The following FRS2 variants were observed in gnomAD, a reference collection of about 807,000 sequenced individuals.
The protein encoded by FRS2 is FGFR signalling adaptor.
In FRS2, 8 loss-of-function variants were observed where a neutral mutation model predicts 43.9. The observed-to-expected ratio is 0.18, with a 90% confidence interval of 0.11 to 0.33. The LOEUF (loss-of-function observed/expected upper bound fraction) is 0.33, where lower values mean the gene tolerates loss of function less well. FRS2 is among the 10% of genes least tolerant of loss of function. The pLI is 1.00. For missense variants in FRS2, 534 were observed against 627.6 expected (o/e 0.85, Z 1.59); for synonymous variants, 219 against 220.3 (o/e 0.99, Z 0.05).
chr12:69,563,397 T>C (rs939716718), intron 4 of FRS2, among the ~76,000 whole-genome samples: 7 of 152,232 alleles, frequency 4.6e-5, no homozygotes, highest in Non-Finnish European at 8.8e-5. Context: ...TCTTTAGCCT[T>C]ACTGAGGCCA....
At chr12:69,508,091 T>C (rs1043862542) in intron 1 of FRS2, among the ~76,000 whole-genome samples, 2 of 126,052 alleles carry the variant, frequency 1.6e-5, no homozygotes, top group Non-Finnish European at 3.3e-5. Flanking sequence ...GATAAGATAA[T>C]AAGATTGTTT....
intron 1 of FRS2, among the ~76,000 whole-genome samples, chr12:69,489,668 C>CA (rs11334694): frequency 0.022 from 2,053 of 91,480 alleles, 28 homozygotes; most frequent in African/African-American, 0.058. Context: ...GACTCCATCT[C>CA]AAAAAAAAAA....
At chr12:69,477,924 G>T (rs970435385) in intron 1 of FRS2, among the ~76,000 whole-genome samples, 1 of 150,832 alleles carries the variant, frequency 6.6e-6, no homozygotes, top group East Asian at 2.0e-4. Flanking sequence ...GTATTTTTTA[G>T]TAGAGACGGG....
At chr12:69,470,605 C>A in intron 1 of FRS2, 75 bp downstream of exon 1, 2 of 393,776 alleles carry the variant, frequency 5.1e-6, no homozygotes, top group South Asian at 1.3e-4. Flanking sequence ...CCCCGCTGCC[C>A]GCTTCGGGAT....
chr12:69,544,432 G>T (rs979044560), intron 3 of FRS2, among the ~76,000 whole-genome samples: 1 of 152,186 alleles, frequency 6.6e-6, no homozygotes, highest in African/African-American at 2.4e-5. Context: ...GGAGCCAGGT[G>T]CAGTGGTTCA....
chr12:69,471,274 A>T (rs373030798), intron 1 of FRS2, among the ~76,000 whole-genome samples: 2 of 152,188 alleles, frequency 1.3e-5, no homozygotes, highest in East Asian at 3.9e-4. Flanking sequence ...CTAAAAAAAA[A>T]AAGATGCTTT....
At chr12:69,492,183 A>C (rs977692653) in intron 1 of FRS2, among the ~76,000 whole-genome samples, 9 of 152,236 alleles carry the variant, frequency 5.9e-5, no homozygotes, top group Admixed American at 5.9e-4. Flanking sequence ...GATAGCCTGT[A>C]TCTTGTGAAT....
intron 3 of FRS2, among the ~76,000 whole-genome samples, chr12:69,558,376 A>G (rs950842247): frequency 2.0e-5 from 3 of 152,214 alleles, no homozygotes; most frequent in African/African-American, 7.2e-5. Context: ...TTAGTGGTTT[A>G]TGTAAGATTT....
chr12:69,552,206 G>T (rs2135739718), intron 3 of FRS2, among the ~76,000 whole-genome samples: 1 of 147,540 alleles, frequency 6.8e-6, no homozygotes, highest in East Asian at 2.0e-4. Context: ...GGAGGCTGAG[G>T]CAGGAGAATT....
At chr12:69,552,565 C>G (rs1458599880) in intron 3 of FRS2, among the ~76,000 whole-genome samples, 2 of 152,070 alleles carry the variant, frequency 1.3e-5, no homozygotes, top group African/African-American at 2.4e-5. Context: ...CCCTTTGCCT[C>G]TGAGTGTAGT....
rs921717705 is a variant in FRS2 at position 69,491,701 on chromosome 12, G to A, written c.-261+21171G>A. 4.6e-5 allele frequency: 7 copies of A among 151,764 alleles called. No homozygotes were observed. In the South Asian group the frequency reaches 6.3e-4, roughly 14 times the overall value. The allele number at this position is 151,764 out of a possible 1,614,324, so 9.4% of individuals were successfully genotyped here. On this transcript the variant is annotated intron_variant, in intron 1 of 8. Transcript: ENST00000549921. ...GTTTTTAAAATTTTGTTGTAGAGAC[G>A]GGGACTCACTATGTTGTCCATGCTG... is the stretch of plus-strand genomic sequence containing the variant.
At chr12:69,520,587 T>A (rs1875539669) in intron 1 of FRS2, among the ~76,000 whole-genome samples, 4 of 152,146 alleles carry the variant, frequency 2.6e-5, no homozygotes, top group African/African-American at 9.7e-5. Flanking sequence ...TTGAGTTGAT[T>A]TTTGTAGATG....
At chr12:69,511,241 C>A (rs114995396) in intron 1 of FRS2, among the ~76,000 whole-genome samples, 1,877 of 152,246 alleles carry the variant, frequency 0.012, 45 homozygotes, top group African/African-American at 0.042. Context: ...GAAGGGAAAC[C>A]TCCATCATTC....
intron 3 of FRS2, among the ~76,000 whole-genome samples, chr12:69,535,833 CA>C (rs1228993988): frequency 3.3e-5 from 5 of 151,988 alleles, no homozygotes; most frequent in Non-Finnish European, 7.4e-5. Context: ...ATGGGTTTGT[CA>C]GTTTCTCCTT....
intron 7 of FRS2, 38 bp from the exon 8 acceptor site, chr12:69,572,075 TGCCCC>T: frequency 2.6e-6 from 4 of 1,539,808 alleles, no homozygotes; most frequent in Non-Finnish European, 3.6e-6. Context: ...TTATTCTCTC[TGCCCC>T]GCCCCCCTTT....
At position 69,551,813 on chromosome 12, in the gene FRS2, G is replaced by T. The variant is rs1025142284; in HGVS notation, c.-121-10367G>T. Among the ~76,000 whole-genome samples the T allele has an allele frequency of 5.3e-5, 8 of 152,052 alleles. No individual in the cohort carries two copies. In the East Asian group the frequency reaches 1.5e-3, roughly 29 times the overall value. On this transcript the variant is annotated intron_variant, in intron 3 of 8. Transcript: ENST00000549921. ...TCTGGGAAGGAGTAAAGAAAAGATGGTCCAAACAACTTTTCATTTCTGTTA... is the reference window on the plus strand; with the variant it reads ...TCTGGGAAGGAGTAAAGAAAAGATGTTCCAAACAACTTTTCATTTCTGTTA...
intron 3 of FRS2, among the ~76,000 whole-genome samples, chr12:69,554,566 C>T (rs552742991): frequency 3.3e-5 from 5 of 152,160 alleles, no homozygotes; most frequent in Admixed American, 2.0e-4. Context: ...CTTACATAAC[C>T]GTGACATATT....
At chr12:69,505,399 A>G (rs974095739) in intron 1 of FRS2, among the ~76,000 whole-genome samples, 2 of 152,240 alleles carry the variant, frequency 1.3e-5, no homozygotes, top group African/African-American at 4.8e-5. Context: ...GATATACATA[A>G]TAAGAATCTG....
At chr12:69,470,921 C>G (rs1218303680) in intron 1 of FRS2, among the ~76,000 whole-genome samples, 1 of 152,118 alleles carries the variant, frequency 6.6e-6, no homozygotes, top group Non-Finnish European at 1.5e-5. Flanking sequence ...GGCTCCAGTT[C>G]CCGACTTTTC....
Sources: allele counts gnomAD v4.1 joint callset (sites outside exome capture counted in the v4.1 genomes callset), GRCh38; gene constraint gnomAD v4.1.1; transcripts MANE v1.5; gene names NCBI Gene and HGNC (gene_info 2026-07-23, HGNC 2026-07-21).